SHISA9: variants seen among roughly 807,000 people sequenced by gnomAD.
SHISA9 encodes the protein shisa family member 9.
Under a neutral mutation model 38.0 loss-of-function variants are expected in SHISA9, and 13 were observed. That is an observed-to-expected ratio of 0.34 (90% confidence interval 0.22 to 0.54). The LOEUF is 0.54. SHISA9 is among the 20% of genes least tolerant of loss of function. The pLI is 0.91. For synonymous variants in SHISA9, 275 were observed against 242.0 expected, an observed-to-expected ratio of 1.14 and a Z score of -1.27; for missense variants, 538 against 575.8, an observed-to-expected ratio of 0.93 and a Z score of 0.67.
chr16:13,460,372 A>G, the SHISA9 span, among the ~76,000 whole-genome samples: 2 of 152,200 alleles, frequency 1.3e-5, no homozygotes, highest in Non-Finnish European at 2.9e-5. Context: ...TGGAAACTTT[A>G]TGCTCATTTC....
chr16:13,557,339 T>C, the SHISA9 span, among the ~76,000 whole-genome samples: 3 of 152,184 alleles, frequency 2.0e-5, no homozygotes, highest in African/African-American at 4.8e-5. Flanking sequence ...CAAATTCCCA[T>C]GCAATGCATT....
the SHISA9 span, among the ~76,000 whole-genome samples, chr16:13,540,237 G>A: frequency 2.0e-5 from 3 of 151,128 alleles, no homozygotes; most frequent in South Asian, 2.1e-4. Context: ...ACCTCCTATA[G>A]CAGATCATTC....
chr16:13,235,351 A>T lies in SHISA9; in HGVS notation c.1217A>T (p.His406Leu). Residue 406 changes from histidine to leucine, a missense_variant, in exon 5 of 5, where the codon CAC (histidine) becomes CTC (leucine). His to Leu is a moderately conservative substitution (Grantham distance 99). Coordinates refer to ENST00000558583, the MANE Select transcript of SHISA9 (RefSeq NM_001145204.3). ...GACCCCTTGGGAACTCGCCCCCAGC[A>T]CTACCCACCCCCACAGCCATACTTC... Reference protein sequence around the residue: ...SSDPLGTRPQHYPPPQPYFIT... With the variant: ...SSDPLGTRPQLYPPPQPYFIT... 1 of 1,543,140 alleles carries T rather than the reference A, an allele frequency of 6.5e-7. No individual in the cohort carries two copies.
chr16:13,069,132 CAT>C (rs1357249690), intron 2 of SHISA9, among the ~76,000 whole-genome samples: 14 of 149,448 alleles, frequency 9.4e-5, no homozygotes, highest in South Asian at 2.1e-4. Flanking sequence ...TGTATATGCA[CAT>C]ATGTGTACAT....
the SHISA9 span, among the ~76,000 whole-genome samples, chr16:13,529,244 TAACTC>T: frequency 5.3e-5 from 8 of 152,350 alleles, no homozygotes; most frequent in Non-Finnish European, 8.8e-5. Flanking sequence ...AGGCAAAAGT[TAACTC>T]ACACACCCCA....
chr16:13,349,054 C>T, the SHISA9 span, among the ~76,000 whole-genome samples: 498 of 152,278 alleles, frequency 3.3e-3, 5 homozygotes, highest in African/African-American at 0.011. Context: ...GTTCTGTTCT[C>T]TAGCCTGGTA....
intron 2 of SHISA9, among the ~76,000 whole-genome samples, chr16:13,139,560 A>C (rs2050381670): frequency 6.6e-6 from 1 of 150,960 alleles, no homozygotes; most frequent in African/African-American, 2.4e-5. Flanking sequence ...TTTCCTGTGG[A>C]GTGCCAATAT....
At chr16:13,413,639 C>G in the SHISA9 span, among the ~76,000 whole-genome samples, 1 of 151,482 alleles carries the variant, frequency 6.6e-6, no homozygotes, top group Admixed American at 6.6e-5. Context: ...GCCTGTAATC[C>G]CAGCTGCTCA....
chr16:12,907,422 C>A (rs561504744), intron 1 of SHISA9, among the ~76,000 whole-genome samples: 1 of 147,386 alleles, frequency 6.8e-6, no homozygotes, highest in African/African-American at 2.5e-5. Context: ...TTCTTTCTTT[C>A]TTGGCTGAAA....
intron 2 of SHISA9, among the ~76,000 whole-genome samples, chr16:13,040,300 T>A (rs970974946): frequency 6.6e-5 from 10 of 152,188 alleles, no homozygotes; most frequent in African/African-American, 2.4e-4. Flanking sequence ...TTGGTTGGCT[T>A]TCTATTCCTT....
chr16:13,470,121 T>G, the SHISA9 span, among the ~76,000 whole-genome samples: 1 of 152,202 alleles, frequency 6.6e-6, no homozygotes, highest in Non-Finnish European at 1.5e-5. Flanking sequence ...TTTAATATTT[T>G]TATTTATTCA....
the SHISA9 span, among the ~76,000 whole-genome samples, chr16:13,534,084 G>A: frequency 1.1e-4 from 16 of 151,852 alleles, no homozygotes; most frequent in African/African-American, 3.9e-4. Context: ...CGCCTGGCCT[G>A]GTAACTCATT....
the SHISA9 span, among the ~76,000 whole-genome samples, chr16:13,473,123 G>A: frequency 5.3e-5 from 8 of 152,132 alleles, no homozygotes; most frequent in Non-Finnish European, 4.4e-5. Flanking sequence ...CTTGAGTTTT[G>A]TTATGGGGCA....
chr16:13,012,889 G>C (rs2072695565), intron 2 of SHISA9, among the ~76,000 whole-genome samples: 1 of 152,162 alleles, frequency 6.6e-6, no homozygotes, highest in Admixed American at 6.5e-5. Flanking sequence ...AAGGGTGTGT[G>C]AGTGCTGTGA....
chr16:13,098,406 T>G (rs2073847633), intron 2 of SHISA9, among the ~76,000 whole-genome samples: 1 of 152,246 alleles, frequency 6.6e-6, no homozygotes, highest in Non-Finnish European at 1.5e-5. Context: ...TTAGGTGTTC[T>G]GTGTTACCAT....
At chr16:13,389,737 A>G in the SHISA9 span, among the ~76,000 whole-genome samples, 1 of 152,202 alleles carries the variant, frequency 6.6e-6, no homozygotes, top group South Asian at 2.1e-4. Context: ...TTAGGTCTCT[A>G]AAGTCCCAAA....
intron 2 of SHISA9, among the ~76,000 whole-genome samples, chr16:13,050,882 T>C (rs754193935): frequency 1.3e-5 from 2 of 152,220 alleles, no homozygotes; most frequent in African/African-American, 2.4e-5. Flanking sequence ...ATTTTAAATA[T>C]TCTGCCATGT....
chr16:13,500,621 G>A, the SHISA9 span, among the ~76,000 whole-genome samples: 1 of 151,392 alleles, frequency 6.6e-6, no homozygotes, highest in Admixed American at 6.6e-5. Flanking sequence ...GGAGGCAGAG[G>A]GAGAGGGAGA....
the SHISA9 span, among the ~76,000 whole-genome samples, chr16:13,358,660 G>A: frequency 6.6e-6 from 1 of 152,272 alleles, no homozygotes; most frequent in Middle Eastern, 3.4e-3. Context: ...ATAATTGTAA[G>A]TGCTTCAACC....
Sources: gnomAD v4.1 joint callset for allele counts (sites outside exome capture counted in the v4.1 genomes callset) on GRCh38, gnomAD v4.1.1 for gene constraint, MANE v1.5 for transcripts, NCBI Gene and HGNC (gene_info 2026-07-23, HGNC 2026-07-21) for gene names.